MYNN: variants seen among roughly 807,000 people sequenced by gnomAD.
The protein encoded by MYNN is myoneurin.
MYNN carries 22 observed loss-of-function variants against 57.2 expected under a neutral mutation model. The ratio of observed to expected loss-of-function variants is 0.38; its 90% CI spans 0.27 to 0.55. The LOEUF (loss-of-function observed/expected upper bound fraction) is 0.55, where lower values mean the gene tolerates loss of function less well. MYNN is among the 20% of genes least tolerant of loss of function. MYNN has a pLI of 0.71. For synonymous variants in MYNN, 241 were observed against 257.1 expected (o/e 0.94, Z 0.60); for missense variants, 566 against 723.1 (o/e 0.78, Z 2.49).
chr3:169,781,554 G>A (rs1778517307), intron 4 of MYNN, among the ~76,000 whole-genome samples: 1 of 152,170 alleles, frequency 6.6e-6, no homozygotes, highest in African/African-American at 2.4e-5. Flanking sequence ...CGGCCCTGAG[G>A]CACTCTAACT....
In MYNN at chr3:169,782,754, A is replaced by G. The variant is rs1284727187; in HGVS notation, c.1399+111A>G. 3 of 762,774 alleles carry G rather than the reference A, an allele frequency of 3.9e-6. No individual in the cohort carries two copies. The African/African-American group carries it at 5.4e-5, about 14-fold the overall frequency. 47.3% of individuals were successfully genotyped at this position (762,774 alleles called of 1,614,324 possible). A position where few individuals can be genotyped will look rare whatever the true frequency, so the allele number is the denominator to read the frequency against. On this transcript the variant is annotated intron_variant, in intron 5 of 7. Transcript: ENST00000349841. The surrounding 1 kb of genome is among the most constrained non-coding windows in gnomAD (Gnocchi z 4.8). The stretch of plus-strand genomic sequence containing the variant: ...AAACTTTGTAGTTAGATATCTGTTT[A>G]TATTTCTATAAGCTATGTTTATGAT...
rs943932095 is a variant in MYNN at position 169,789,196 on chromosome 3, T to C, written c.*2518T>C. 3 of 152,220 alleles carry C rather than the reference T, an allele frequency of 2.0e-5. No individual in the cohort carries two copies. Among genetic ancestry groups the C allele is most frequent in the Non-Finnish European group, 2.9e-5 (2 of 68,028 alleles). 9.4% of individuals were successfully genotyped at this position (152,220 alleles called of 1,614,324 possible). On this transcript the variant is annotated 3_prime_UTR_variant, in exon 8 of 8. Transcript: ENST00000349841. Reference sequence around the variant, plus strand: ...TTTTTAAATGGCATTTGTCTTATGTTTAATTTCACAGGATGATTTTGATAG... The same window carrying C: ...TTTTTAAATGGCATTTGTCTTATGTCTAATTTCACAGGATGATTTTGATAG...
At chr3:169,773,965 A>C (rs1382839594) in intron 1 of MYNN, 1 of 287,754 alleles carries the variant, frequency 3.5e-6, no homozygotes, top group African/African-American at 2.1e-5. Context: ...AAGTATGTCT[A>C]CTGAGCTTGA....
chr3:169,779,232 CT>C lies in MYNN; in HGVS notation c.735del (p.Pro246GlnfsTer11). On this transcript the variant is annotated frameshift_variant, in exon 3 of 8. Transcript: ENST00000349841. LOFTEE classifies it high-confidence loss of function. ...ELELTSVVEN[T>X]FPAQDIVHTV... ...GAGTTGACATCAGTTGTGGAAAATA[CT>C]TTTCCAGCACAAGATATTGTGCACA... 2 of 1,614,144 alleles carry C rather than the reference CT, an allele frequency of 1.2e-6. No homozygotes were observed. The highest frequency in any genetic ancestry group is 1.7e-6 in the Non-Finnish European group (2 of 1,180,004).
At chr3:169,777,983 C>A (rs1350150143) in intron 2 of MYNN, 1 of 152,946 alleles carries the variant, frequency 6.5e-6, no homozygotes, top group Non-Finnish European at 1.5e-5. Context: ...AATCCTAGCA[C>A]TTTGGGAGCC....
chr3:169,779,145 C>G lies in MYNN; in HGVS notation c.644C>G (p.Ala215Gly). 6.2e-7 allele frequency: 1 copy of G among 1,614,140 alleles called. No individual in the cohort carries two copies. Among genetic ancestry groups the G allele is most frequent in the Non-Finnish European group, 8.5e-7 (1 of 1,180,024 alleles). ...ENASVELFLD[A>G]NKLPTPVVEQ... ...GCATCTGTTGAATTATTCCTAGATGCAAATAAACTGCCCACACCTGTAGTA... is the reference window on the plus strand; with the variant it reads ...GCATCTGTTGAATTATTCCTAGATGGAAATAAACTGCCCACACCTGTAGTA... Residue 215 changes from alanine to glycine, a missense_variant, in exon 3 of 8, where the codon GCA becomes GGA. Physicochemically the swap from Ala to Gly is moderately conservative, Grantham distance 60. Transcript: ENST00000349841.
At chr3:169,785,301 G>A (rs1366938863) in intron 7 of MYNN, among the ~76,000 whole-genome samples, 4 of 151,764 alleles carry the variant, frequency 2.6e-5, no homozygotes, top group African/African-American at 4.8e-5. Context: ...CTTAAACATC[G>A]TAAGTATTAA....
In MYNN at chr3:169,774,364, C is replaced by T; in HGVS notation, c.69C>T (p.Leu23=). The change falls in exon 2 of 8, where the codon CTC becomes CTT. Residue 23 remains leucine, a synonymous_variant. Coordinates refer to ENST00000349841, the MANE Select transcript of MYNN (RefSeq NM_018657.5). ...ACAAACAGCGGGAAGCAGGTTTTCT[C>T]TGTGACTGTACCATAGTGATTGGGG... is the stretch of plus-strand genomic sequence containing the variant. ...RLNKQREAGF[L]CDCTIVIGEF... is the part of the protein sequence containing the mutation. The T allele has an allele frequency of 6.2e-7, 1 of 1,614,146 alleles. No homozygotes were observed. The highest frequency in any genetic ancestry group is 8.5e-7 in the Non-Finnish European group (1 of 1,180,000).
rs1264360709 is a variant in MYNN, at chr3:169,789,249, G to C, written c.*2571G>C. ...AAATTTTAGAAAACCTTTTTTCAAA[G>C]GTAATGGTTCTATCAGTTTCATTCC... On this transcript the variant is annotated 3_prime_UTR_variant, in exon 8 of 8. Transcript: ENST00000349841. 6.6e-6 allele frequency: 1 copy of C among 152,034 alleles called. No individual in the cohort carries two copies. Among genetic ancestry groups the C allele is most frequent in the Non-Finnish European group, 1.5e-5 (1 of 67,998 alleles). The allele number at this position is 152,034 out of a possible 1,614,324, so 9.4% of individuals were successfully genotyped here.
intron 7 of MYNN, among the ~76,000 whole-genome samples, chr3:169,785,133 CAGGT>C (rs1448810028): frequency 6.7e-6 from 1 of 148,582 alleles, no homozygotes; most frequent in African/African-American, 2.5e-5. Context: ...AATAGGGAAA[CAGGT>C]AGCCCTACAT....
rs144483224 is a variant in MYNN at position 169,778,425 on chromosome 3, A to T, written c.267-343A>T. The T allele has an allele frequency of 4.8e-3, 851 of 177,020 alleles. 8 individuals carry two copies. Among genetic ancestry groups the T allele is most frequent in the African/African-American group, 0.019 (806 of 42,054 alleles). 11.0% of individuals were successfully genotyped at this position (177,020 alleles called of 1,614,324 possible). A position where few individuals can be genotyped will look rare whatever the true frequency, so the allele number is the denominator to read the frequency against. On this transcript the variant is annotated intron_variant, in intron 2 of 7. Coordinates refer to ENST00000349841, the MANE Select transcript of MYNN (RefSeq NM_018657.5). Reference sequence around the variant, plus strand: ...AGAAAAGTTGGTTGCTATCTGAAGAAGCCTCAGGATGAATGGAGGAGGTAG... The same window carrying T: ...AGAAAAGTTGGTTGCTATCTGAAGATGCCTCAGGATGAATGGAGGAGGTAG...
At chr3:169,785,375 T>C (rs1436693171) in intron 7 of MYNN, among the ~76,000 whole-genome samples, 1 of 151,950 alleles carries the variant, frequency 6.6e-6, no homozygotes, top group Non-Finnish European at 1.5e-5. Context: ...TTCTGTAAAG[T>C]GTACTTTCAG....
At chr3:169,777,949 G>C (rs1283347779) in intron 2 of MYNN, 1 of 152,342 alleles carries the variant, frequency 6.6e-6, no homozygotes, top group African/African-American at 2.4e-5. Context: ...AGAAATGCAG[G>C]CTGTGCTGGT....
intron 1 of MYNN, 57 bp from the exon 2 acceptor site, chr3:169,774,208 A>C: frequency 7.4e-7 from 1 of 1,355,626 alleles, no homozygotes; most frequent in Non-Finnish European, 1.0e-6. Context: ...CCCTTCCCTC[A>C]CTGAACGTTG....
chr3:169,782,399 T>C lies in MYNN; in HGVS notation c.1221-66T>C, dbSNP rs374242920. The C allele has an allele frequency of 1.3e-5, 17 of 1,310,408 alleles. No homozygotes were observed. In the East Asian group the frequency reaches 1.7e-4, roughly 13 times the overall value. 81.2% of individuals were successfully genotyped at this position (1,310,408 alleles called of 1,614,324 possible). A position where few individuals can be genotyped will look rare whatever the true frequency, so the allele number is the denominator to read the frequency against. On this transcript the variant is annotated intron_variant, in intron 4 of 7. Coordinates refer to ENST00000349841, the MANE Select transcript of MYNN (RefSeq NM_018657.5). This position sits in a 1 kb window ranked among gnomAD's most constrained non-coding sequence, Gnocchi z 4.8. ...ATGAAATAAAATCTATAAAAAACTT[T>C]ATGAATTCTTGCTATATAGACTGAC...
At chr3:169,781,460 G>C (rs1400828329) in intron 4 of MYNN, among the ~76,000 whole-genome samples, 2 of 152,204 alleles carry the variant, frequency 1.3e-5, no homozygotes, top group African/African-American at 2.4e-5. Context: ...GCGTTTGGCA[G>C]TCATCAGCAT....
chr3:169,774,637 C>G, intron 2 of MYNN, 76 bp downstream of exon 2: 1 of 1,369,910 alleles, frequency 7.3e-7, no homozygotes, highest in East Asian at 2.3e-5. Flanking sequence ...TGTATTTTTT[C>G]CATTCATTCT....
intron 6 of MYNN, 148 bp from the exon 7 acceptor site, chr3:169,784,472 CTA>C: frequency 1.8e-6 from 1 of 542,812 alleles, no homozygotes. Flanking sequence ...TTTCATTTCA[CTA>C]TATTATAACC....
Position 169,787,395 on chromosome 3 carries a change from CT to C in MYNN, c.*719del, listed in dbSNP as rs1778704612. The C allele has an allele frequency of 6.6e-6, 1 of 152,106 alleles. No homozygotes were observed. The highest frequency in any genetic ancestry group is 2.1e-4 in the South Asian group (1 of 4,828). 9.4% of individuals were successfully genotyped at this position (152,106 alleles called of 1,614,324 possible). A position where few individuals can be genotyped will look rare whatever the true frequency, so the allele number is the denominator to read the frequency against. ...TTAAGTAGATATTTGGTGTTTTTAT[CT>C]TGTCAAAGACAGTTTCAAAATTTGA... On this transcript the variant is annotated 3_prime_UTR_variant, in exon 8 of 8. Transcript: ENST00000349841.
Sources: allele counts gnomAD v4.1 joint callset (sites outside exome capture counted in the v4.1 genomes callset), GRCh38; gene constraint gnomAD v4.1.1; non-coding constraint Gnocchi (gnomAD v3.1); transcripts MANE v1.5; gene names NCBI Gene and HGNC (gene_info 2026-07-23, HGNC 2026-07-21).